NID1: variants seen among roughly 807,000 people sequenced by gnomAD.
NID1 encodes the protein nidogen-1.
NID1 carries 76 observed loss-of-function variants against 130.6 expected under a neutral mutation model. That is an observed-to-expected ratio of 0.58 (90% confidence interval 0.48 to 0.70). NID1 has a LOEUF of 0.70. Ranked by LOEUF, NID1 falls within the 30% of genes least tolerant of loss-of-function variation. NID1 has a pLI of 0.00. For missense variants in NID1, 1,517 were observed against 1,664.8 expected (o/e 0.91, Z 1.54); for synonymous variants, 665 against 675.1 (o/e 0.98, Z 0.23).
At chr1:236,007,048 G>C (rs1658268135) in intron 12 of NID1, among the ~76,000 whole-genome samples, 1 of 152,008 alleles carries the variant, frequency 6.6e-6, no homozygotes, top group Admixed American at 6.6e-5. Context: ...TTGGAGAAAG[G>C]GTCTAGCTCT....
chr1:235,997,021 A>G (rs1346814536), intron 12 of NID1, among the ~76,000 whole-genome samples: 1 of 152,028 alleles, frequency 6.6e-6, no homozygotes, highest in East Asian at 1.9e-4. Context: ...TTTAGTAGAA[A>G]TGGGGTTTCA....
chr1:236,049,029 G>A (rs747858592), intron 1 of NID1, 40 bp from the exon 2 acceptor site: 4 of 1,598,284 alleles, frequency 2.5e-6, no homozygotes, highest in African/African-American at 1.4e-5. Context: ...ATGCAGAAAC[G>A]GGTCCTTTCT....
At chr1:236,055,351 G>A (rs1659870036) in intron 1 of NID1, among the ~76,000 whole-genome samples, 1 of 151,688 alleles carries the variant, frequency 6.6e-6, no homozygotes. Context: ...GATGGGGAGG[G>A]AACATTAGGA....
At chr1:236,021,333 A>T (rs978215859) in intron 9 of NID1, among the ~76,000 whole-genome samples, 2 of 152,228 alleles carry the variant, frequency 1.3e-5, no homozygotes, top group Non-Finnish European at 2.9e-5. Flanking sequence ...GTTACCAGGA[A>T]GGTAAGTCCC....
At chr1:236,060,400 A>C (rs561446956) in intron 1 of NID1, among the ~76,000 whole-genome samples, 3 of 152,134 alleles carry the variant, frequency 2.0e-5, no homozygotes, top group Admixed American at 6.5e-5. Context: ...GAAGGTCTTC[A>C]TGACCTGTAT....
At chr1:236,064,290 G>GCTCTGGA (rs1039866815) in intron 1 of NID1, among the ~76,000 whole-genome samples, 1 of 152,164 alleles carries the variant, frequency 6.6e-6, no homozygotes, top group African/African-American at 2.4e-5. Context: ...TGTGTTTCCC[G>GCTCTGGA]CTCTGGACTC....
chr1:236,038,293 T>C (rs988312374), intron 4 of NID1, 40 bp from the exon 5 acceptor site: 2 of 1,595,966 alleles, frequency 1.3e-6, no homozygotes, highest in Non-Finnish European at 1.7e-6. Flanking sequence ...AAGCATTTCA[T>C]GCAGCTCTAG....
intron 7 of NID1, among the ~76,000 whole-genome samples, chr1:236,027,378 G>A (rs781692837): frequency 7.9e-5 from 12 of 152,138 alleles, no homozygotes; most frequent in African/African-American, 1.4e-4. Flanking sequence ...GCTCCCACAC[G>A]CCAGAAAGGC....
At chr1:236,025,120 T>G (rs558827734) in intron 8 of NID1, among the ~76,000 whole-genome samples, 5 of 151,662 alleles carry the variant, frequency 3.3e-5, no homozygotes, top group African/African-American at 1.2e-4. Flanking sequence ...CCCAGCTAAA[T>G]TTTGTGTTGT....
At chr1:236,034,484 A>T (rs1659194992) in intron 5 of NID1, among the ~76,000 whole-genome samples, 1 of 152,130 alleles carries the variant, frequency 6.6e-6, no homozygotes. Context: ...TATGGGCTAA[A>T]ACAGGCCATG....
At chr1:235,980,075 T>A in intron 17 of NID1, 130 bp from the exon 18 acceptor site, 3 of 1,088,898 alleles carry the variant, frequency 2.8e-6, no homozygotes, top group Non-Finnish European at 4.1e-6. Context: ...AGAGAACACA[T>A]GAGGCTTGCT....
chr1:236,056,141 C>T (rs57739318), intron 1 of NID1, among the ~76,000 whole-genome samples: 5,830 of 152,124 alleles, frequency 0.038, 364 homozygotes, highest in African/African-American at 0.13. Context: ...GAAATTAACT[C>T]GCAATGGATT....
intron 1 of NID1, among the ~76,000 whole-genome samples, chr1:236,055,161 G>A (rs1010021824): frequency 2.6e-5 from 4 of 151,874 alleles, no homozygotes; most frequent in East Asian, 3.9e-4. Context: ...AAAATTAGCC[G>A]GGCGTGGTGG....
intron 16 of NID1, 61 bp from the exon 17 acceptor site, chr1:235,980,714 T>A: frequency 6.5e-7 from 1 of 1,543,736 alleles, no homozygotes; most frequent in Non-Finnish European, 8.9e-7. Context: ...GAGAAAAAGT[T>A]TATGAAAAAC....
In NID1 at chr1:235,979,243, C is replaced by T. The variant is rs1190606501; in HGVS notation, c.3510-136G>A. ...ACATGATGGCCTTCTTCCTAGACAT[C>T]CCTTCCTTCCCCTGGGGTGGGTCAA... is the stretch of plus-strand genomic sequence containing the variant. On this transcript the variant is annotated intron_variant, in intron 18 of 19. Coordinates refer to ENST00000264187, the MANE Select transcript of NID1 (RefSeq NM_002508.3). This position sits in a 1 kb window ranked among gnomAD's most constrained non-coding sequence, Gnocchi z 4.6. 3 of 643,048 alleles carry T rather than the reference C, an allele frequency of 4.7e-6. No individual in the cohort carries two copies. The East Asian group carries it at 8.2e-5, about 18-fold the overall frequency. The allele number at this position is 643,048 out of a possible 1,614,324, so 39.8% of individuals were successfully genotyped here. A position where few individuals can be genotyped will look rare whatever the true frequency, so the allele number is the denominator to read the frequency against.
rs556757870 is a variant in NID1 at position 236,029,563 on chromosome 1, G to C, written c.1725C>G (p.His575Gln). 1.3e-6 allele frequency: 2 copies of C among 1,562,282 alleles called. No homozygotes were observed. The highest frequency in any genetic ancestry group is 2.3e-5 in the South Asian group (2 of 85,252). ...VHIEPYTELY[H>Q]YSTSVITSSS... The stretch of plus-strand genomic sequence containing the variant: ...GCTGGGGCTCACCTGAGGTGGAGTA[G>C]TGGTACAGCTCCGTGTAGGGCTCAA... The change falls in exon 7 of 20, where the codon CAC (histidine) becomes CAG (glutamine). Residue 575 changes from histidine (H) to glutamine (Q), a missense_variant. This residue lies in a region of NID1 where 1,329 missense variants were observed against 1,429.2 expected (regional missense o/e 0.93). Transcript: ENST00000264187.
chr1:236,042,061 C>A lies in NID1; in HGVS notation c.984G>T (p.Val328=). The A allele has an allele frequency of 1.2e-6, 2 of 1,614,146 alleles. No individual in the cohort carries two copies. Among genetic ancestry groups the A allele is most frequent in the Non-Finnish European group, 8.5e-7 (1 of 1,180,036 alleles). ...CCCGGCGCGGGGAGAGGACGCTGGG[C>A]ACACTGTATGTGTCAGCACCTCCCC... The part of the protein sequence containing the change: ...LRRGGADTYS[V]PSVLSPRRAA... Residue 328 remains valine, a synonymous_variant, in exon 4 of 20, where the codon GTG becomes GTT. Coordinates refer to ENST00000264187, the MANE Select transcript of NID1 (RefSeq NM_002508.3).
chr1:236,025,279 T>TTTTTTTTTTTA (rs1658892447), intron 8 of NID1, among the ~76,000 whole-genome samples: 5 of 149,838 alleles, frequency 3.3e-5, no homozygotes, highest in African/African-American at 4.9e-5. Flanking sequence ...TTTTTTTTTT[T>TTTTTTTTTTTA]GAGACAGAGT....
intron 1 of NID1, among the ~76,000 whole-genome samples, chr1:236,051,923 G>C (rs1659771203): frequency 6.6e-6 from 1 of 152,252 alleles, no homozygotes; most frequent in Admixed American, 6.5e-5. Flanking sequence ...AATGTTTTAA[G>C]AGTCAGGTTT....
Sources: gnomAD v4.1 joint callset for allele counts (sites outside exome capture counted in the v4.1 genomes callset) on GRCh38, gnomAD v4.1.1 for gene constraint, gnomAD v4.1.1 regional missense constraint, Gnocchi (gnomAD v3.1) non-coding constraint, MANE v1.5 for transcripts, NCBI Gene and HGNC (gene_info 2026-07-23, HGNC 2026-07-21) for gene names.